Variants in RAPGEF3 observed in about 807,000 individuals in gnomAD.
The protein encoded by RAPGEF3 is Rap guanine nucleotide exchange factor 3, also known as 9330170P05Rik.
In RAPGEF3, 103 loss-of-function variants were observed where a neutral mutation model predicts 129.8. That is an observed-to-expected ratio of 0.79 (90% CI 0.68 to 0.93). The LOEUF is 0.93. Among genes scored for constraint, RAPGEF3 ranks in the 40% least tolerant of loss-of-function variants. RAPGEF3 has a pLI of 0.00. For missense variants in RAPGEF3, 1,117 were observed against 1,207.4 expected, an observed-to-expected ratio of 0.93 and a Z score of 1.11; for synonymous variants, 436 against 482.6, an observed-to-expected ratio of 0.90 and a Z score of 1.26.
At position 47,740,194 on chromosome 12, in the gene RAPGEF3, G is replaced by C; in HGVS notation, c.2323-3C>G. 6.2e-7 allele frequency: 1 copy of C among 1,613,852 alleles called. No homozygotes were observed. The highest frequency in any genetic ancestry group is 8.5e-7 in the Non-Finnish European group (1 of 1,179,900). On this transcript the variant is annotated splice_polypyrimidine_tract_variant and splice_region_variant and intron_variant, in intron 22 of 27. Transcript: ENST00000449771. ...TTCCGGACTTTGTGAGGCAGCCGCT[G>C]TGAAAAGGAGGCAGATGAGCGGCTG...
At chr12:47,739,374 G>C in intron 23 of RAPGEF3, 144 bp from the exon 24 acceptor site, 1 of 736,550 alleles carries the variant, frequency 1.4e-6, no homozygotes, top group Non-Finnish European at 2.5e-6. Flanking sequence ...GTCTCACCCA[G>C]GCTCTGTCAC....
At chr12:47,741,196 C>T in intron 19 of RAPGEF3, 156 bp from the exon 20 acceptor site, 1 of 1,000,994 alleles carries the variant, frequency 1.0e-6, no homozygotes, top group Non-Finnish European at 1.4e-6. Context: ...GCTATAGCAG[C>T]TGGAGGATAG....
intron 1 of RAPGEF3, 89 bp downstream of exon 1, chr12:47,758,462 C>A: frequency 6.3e-7 from 1 of 1,586,916 alleles, no homozygotes; most frequent in Non-Finnish European, 8.6e-7. Context: ...CCTGACTAAC[C>A]CTCCCTCTCC....
chr12:47,740,737 A>G lies in RAPGEF3; in HGVS notation c.2136T>C (p.Asn712=), dbSNP rs748875771. 1.2e-6 allele frequency: 2 copies of G among 1,614,058 alleles called. No homozygotes were observed. The highest frequency in any genetic ancestry group is 4.5e-5 in the East Asian group (2 of 44,882). The change falls in exon 21 of 28, where the codon AAT becomes AAC. Residue 712 remains asparagine (N), a synonymous_variant. Coordinates refer to ENST00000449771, the MANE Select transcript of RAPGEF3 (RefSeq NM_001098531.4). ...CGGTGGCCACCCAGTACTGCAGCTC[A>G]TTGAAGCGGCGCATGAAGCGCTCCA... ...ANLERFMRRF[N]ELQYWVATEL...
At chr12:47,741,957 A>G in intron 18 of RAPGEF3, 1 of 267,942 alleles carries the variant, frequency 3.7e-6, no homozygotes, top group South Asian at 4.9e-5. Context: ...AGCTATAAGT[A>G]CATGCTATGT....
rs774520669 is a variant in RAPGEF3, at chr12:47,740,952, G to A, written c.2012C>T (p.Thr671Met). Residue 671 changes from threonine (T) to methionine (M), a missense_variant, in exon 20 of 28, where the codon ACG becomes ATG. By Grantham distance (81) the Thr-to-Met change is moderately conservative (BLOSUM62 -1). Coordinates refer to ENST00000449771, the MANE Select transcript of RAPGEF3 (RefSeq NM_001098531.4). ...GTTGAAGAGGCTCCAGTCGTGGTCC[G>A]TCAGCTGGCCTGCCAGGTCCTTGGC... is the stretch of plus-strand genomic sequence containing the variant. ...VSAKDLAGQL[T>M]DHDWSLFNSI... 14 of 1,613,920 alleles carry A rather than the reference G, an allele frequency of 8.7e-6. No homozygotes were observed. Among genetic ancestry groups the A allele is most frequent in the Middle Eastern group, 1.6e-4 (1 of 6,062 alleles).
At chr12:47,750,571 G>A (rs898540749) in intron 6 of RAPGEF3, 146 bp from the exon 7 acceptor site, 17 of 681,700 alleles carry the variant, frequency 2.5e-5, no homozygotes, top group African/African-American at 1.1e-4. Context: ...TACTGAGTGC[G>A]CACATGTGGC....
At chr12:47,758,255 C>A (rs139570113) in intron 1 of RAPGEF3, 177 bp from the exon 2 acceptor site, 9 of 1,432,718 alleles carry the variant, frequency 6.3e-6, no homozygotes, top group Non-Finnish European at 4.6e-6. Flanking sequence ...TGGGGCCTGC[C>A]GGTCTGGCGC....
intron 24 of RAPGEF3, 161 bp from the exon 25 acceptor site, chr12:47,738,915 G>C: frequency 2.7e-6 from 2 of 739,752 alleles, no homozygotes; most frequent in Non-Finnish European, 4.6e-6. Flanking sequence ...TATCTCTTAG[G>C]CCCTGAAGGC....
chr12:47,751,825 G>A lies in RAPGEF3; in HGVS notation c.278C>T (p.Ser93Phe). The A allele has an allele frequency of 2.5e-6, 4 of 1,614,166 alleles. No homozygotes were observed. Among genetic ancestry groups the A allele is most frequent in the Non-Finnish European group, 3.4e-6 (4 of 1,180,016 alleles). Reference protein sequence around the residue: ...LDFSESLEQASTERVLRAGRQ... With the variant: ...LDFSESLEQAFTERVLRAGRQ... ...CCCAGCCCTGAGCACCCGCTCTGTG[G>A]AGGCCTTAGAGGGAGGAAGGGCACA... The change falls in exon 4 of 28, where the codon TCC (serine) becomes TTC (phenylalanine). Residue 93 changes from serine (S) to phenylalanine (F), a missense_variant. Around this residue, in one of 3 missense-constraint regions of RAPGEF3, gnomAD observed 367 missense variants for 373.4 expected, o/e 0.98. Coordinates refer to ENST00000449771, the MANE Select transcript of RAPGEF3 (RefSeq NM_001098531.4).
chr12:47,746,759 G>A, intron 16 of RAPGEF3, 101 bp downstream of exon 16: 1 of 1,286,840 alleles, frequency 7.8e-7, no homozygotes, highest in Middle Eastern at 1.8e-4. Flanking sequence ...TCTGTGGGAG[G>A]AGAGCTTCCC....
Position 47,749,199 on chromosome 12 carries a change from C to T in RAPGEF3, c.1041+191G>A, listed in dbSNP as rs1328985763. On this transcript the variant is annotated intron_variant, in intron 10 of 27. Transcript: ENST00000449771. This position sits in a 1 kb window ranked among gnomAD's most constrained non-coding sequence, Gnocchi z 4.5. ...GCCTGAAGTCACTGGTCTCACTGAA[C>T]TCCTTCTGTGCCTTATGGGCTTCAC... The T allele has an allele frequency of 9.7e-6, 7 of 722,776 alleles. No homozygotes were observed. In the African/African-American group the frequency reaches 1.1e-4, roughly 11 times the overall value. The allele number at this position is 722,776 out of a possible 1,614,324, so 44.8% of individuals were successfully genotyped here.
chr12:47,750,487 C>T, intron 6 of RAPGEF3, 62 bp from the exon 7 acceptor site: 1 of 1,442,820 alleles, frequency 6.9e-7, no homozygotes, highest in South Asian at 1.2e-5. Flanking sequence ...TGCAGGGAGC[C>T]ACTCCACCCA....
rs1941632444 is a variant in RAPGEF3 at position 47,749,697 on chromosome 12, A to G, written c.894+44T>C. On this transcript the variant is annotated intron_variant, in intron 9 of 27. Coordinates refer to ENST00000449771, the MANE Select transcript of RAPGEF3 (RefSeq NM_001098531.4). The surrounding 1 kb of genome is among the most constrained non-coding windows in gnomAD (Gnocchi z 4.5). ...CCCATGAGGACATGGACCAGGGAGC[A>G]GTTAGGACCCAGGGCACTGGGGTGG... The G allele has an allele frequency of 6.2e-7, 1 of 1,610,670 alleles. No individual in the cohort carries two copies. Among genetic ancestry groups the G allele is most frequent in the Non-Finnish European group, 8.5e-7 (1 of 1,177,218 alleles).
chr12:47,750,470 C>T (rs376015138), intron 6 of RAPGEF3, 45 bp from the exon 7 acceptor site: 14 of 1,547,564 alleles, frequency 9.0e-6, no homozygotes, highest in African/African-American at 2.7e-5. Flanking sequence ...ACTGTGGGCC[C>T]GTCAGGTGCA....
chr12:47,744,137 T>C, intron 16 of RAPGEF3, 69 bp from the exon 17 acceptor site: 1 of 1,316,892 alleles, frequency 7.6e-7, no homozygotes, highest in East Asian at 2.5e-5. Flanking sequence ...GGAGGGATTG[T>C]GAGGTCCCTG....
rs575472779 is a variant in RAPGEF3 at position 47,740,713 on chromosome 12, G to A, written c.2160C>T (p.Thr720=). 37 of 1,613,956 alleles carry A rather than the reference G, an allele frequency of 2.3e-5. No individual in the cohort carries two copies. The South Asian group carries it at 3.1e-4, about 13-fold the overall frequency. Residue 720 remains threonine, a synonymous_variant, in exon 21 of 28, where the codon ACC becomes ACT. Coordinates refer to ENST00000449771, the MANE Select transcript of RAPGEF3 (RefSeq NM_001098531.4). ...CGGGCACGGGGCAGAGACACAGCTC[G>A]GTGGCCACCCAGTACTGCAGCTCAT... ...RFNELQYWVA[T]ELCLCPVPGP...
chr12:47,753,290 C>T (rs1941861596), intron 2 of RAPGEF3, among the ~76,000 whole-genome samples: 1 of 152,204 alleles, frequency 6.6e-6, no homozygotes, highest in Non-Finnish European at 1.5e-5. Flanking sequence ...AAGTTCCCAC[C>T]CAGAAGTGCT....
In RAPGEF3 at chr12:47,737,516, C is replaced by T; in HGVS notation, c.*51G>A. 1 of 1,552,372 alleles carries T rather than the reference C, an allele frequency of 6.4e-7. No individual in the cohort carries two copies. Among genetic ancestry groups the T allele is most frequent in the South Asian group, 1.1e-5 (1 of 88,288 alleles). Reference sequence around the variant, plus strand: ...TGTGAGTATCTTGGCCCGGCACACCCTGGCTTTCCCGGCTGCAAGTGCCTG... The same window carrying T: ...TGTGAGTATCTTGGCCCGGCACACCTTGGCTTTCCCGGCTGCAAGTGCCTG... On this transcript the variant is annotated 3_prime_UTR_variant, in exon 28 of 28. Coordinates refer to ENST00000449771, the MANE Select transcript of RAPGEF3 (RefSeq NM_001098531.4).
Sources: gnomAD v4.1 joint callset for allele counts (sites outside exome capture counted in the v4.1 genomes callset) on GRCh38, gnomAD v4.1.1 for gene constraint, gnomAD v4.1.1 regional missense constraint, Gnocchi (gnomAD v3.1) non-coding constraint, MANE v1.5 for transcripts, NCBI Gene and HGNC (gene_info 2026-07-23, HGNC 2026-07-21) for gene names.